Variants in TTLL6 observed in about 807,000 individuals in gnomAD.
The protein encoded by TTLL6 is tubulin polyglutamylase TTLL6.
TTLL6 carries 75 observed loss-of-function variants against 96.4 expected under a neutral mutation model. The ratio of observed to expected loss-of-function variants is 0.78; its 90% confidence interval spans 0.65 to 0.94. The LOEUF (loss-of-function observed/expected upper bound fraction) is 0.94. Among genes scored for constraint, TTLL6 ranks in the 40% least tolerant of loss-of-function variants. The probability of loss-of-function intolerance (pLI) is 0.00; values close to 1 mark genes in which losing one functional copy is unlikely to be tolerated. For missense variants in TTLL6, 1,030 were observed against 1,093.0 expected (o/e 0.94, Z 0.81); for synonymous variants, 411 against 419.4 (o/e 0.98, Z 0.24).
At position 48,774,102 on chromosome 17, in the gene TTLL6, A is replaced by AC. The variant is rs1249929906; in HGVS notation, c.2041-4006_2041-4005insG. Among the ~76,000 whole-genome samples, 526 of 134,830 alleles carry AC rather than the reference A, an allele frequency of 3.9e-3. 23 individuals carry two copies. Among genetic ancestry groups the AC allele is most frequent in the African/African-American group, 0.015 (513 of 35,138 alleles). 88.5% of individuals were successfully genotyped at this position (134,830 alleles called of 152,430 possible). ...CATCTCAAAAAAAACAAAACAAAAAAAAAAAAAAAACAAGAAAAGTAAAAT... is the reference window on the plus strand; with the variant it reads ...CATCTCAAAAAAAACAAAACAAAAAACAAAAAAAAAACAAGAAAAGTAAAAT... On this transcript the variant is annotated intron_variant, in intron 13 of 15. Coordinates refer to ENST00000393382, the MANE Select transcript of TTLL6 (RefSeq NM_001130918.3).
rs780086384 is a variant in TTLL6 at position 48,769,090 on chromosome 17, A to G, written c.2575T>C (p.Cys859Arg). 3 of 1,614,146 alleles carry G rather than the reference A, an allele frequency of 1.9e-6. No homozygotes were observed. ...CTCATAGCACTTGCGTGGCTTCTAC[A>G]AGGCCTTGGATCCAGTTGGGCTGGA... ...ATPAQLDPRP[C>R]RSHASAMRDP... is the part of the protein sequence containing the mutation. Residue 859 changes from cysteine to arginine, a missense_variant, in exon 15 of 16, where the codon TGT becomes CGT. Coordinates refer to ENST00000393382, the MANE Select transcript of TTLL6 (RefSeq NM_001130918.3).
intron 15 of TTLL6, among the ~76,000 whole-genome samples, chr17:48,764,556 CTT>C (rs1205741210): frequency 2.0e-5 from 3 of 152,156 alleles, no homozygotes; most frequent in Non-Finnish European, 4.4e-5. Context: ...TGTTATTACT[CTT>C]ACGCTTTCCA....
chr17:48,810,825 G>GTGTATATA lies in TTLL6; in HGVS notation c.104-5835_104-5834insTATATACA, dbSNP rs368085735. 4.6e-3 allele frequency among the ~76,000 whole-genome samples: 387 copies of GTGTATATA among 84,334 alleles called. 18 individuals carry two copies. The highest frequency in any genetic ancestry group is 6.3e-3 in the Middle Eastern group (1 of 160). The allele number at this position is 84,334 out of a possible 152,430, so 55.3% of individuals were successfully genotyped here. A position where few individuals can be genotyped will look rare whatever the true frequency, so the allele number is the denominator to read the frequency against. On this transcript the variant is annotated intron_variant, in intron 1 of 15. Transcript: ENST00000393382. ...ATATACACATATATAGTATGTGTGT[G>GTGTATATA]TATATATATATATATATATATATAT...
At position 48,803,933 on chromosome 17, in the gene TTLL6, T is replaced by C. The variant is rs2039466275; in HGVS notation, c.324-5A>G. The stretch of plus-strand genomic sequence containing the variant: ...CTGGATAGATTGATCACCAATCATC[T>C]GGAAAAGAGAAAAAGGAAAGCAGCA... On this transcript the variant is annotated splice_polypyrimidine_tract_variant and splice_region_variant and intron_variant, in intron 2 of 15. Transcript: ENST00000393382. 6.4e-7 allele frequency: 1 copy of C among 1,551,856 alleles called. No homozygotes were observed. Among genetic ancestry groups the C allele is most frequent in the Non-Finnish European group, 8.7e-7 (1 of 1,147,042 alleles).
chr17:48,784,947 T>C lies in TTLL6; in HGVS notation c.2016A>G (p.Ala672=). ...FSIKEAKSAS[A]VNVFTGTVHL... Reference sequence around the variant, plus strand: ...CCACAGTGCCAGTGAATACGTTCACTGCAGAGGCAGACTTGGCCTCCTTGA... The same window carrying C: ...CCACAGTGCCAGTGAATACGTTCACCGCAGAGGCAGACTTGGCCTCCTTGA... Residue 672 remains alanine, a synonymous_variant, in exon 13 of 16, where the codon GCA becomes GCG. Transcript: ENST00000393382. 1 of 1,614,124 alleles carries C rather than the reference T, an allele frequency of 6.2e-7. No homozygotes were observed. The highest frequency in any genetic ancestry group is 8.5e-7 in the Non-Finnish European group (1 of 1,180,022).
At position 48,789,966 on chromosome 17, in the gene TTLL6, C is replaced by T. The variant is rs1172061205; in HGVS notation, c.1365G>A (p.Gly455=). Residue 455 remains glycine, a synonymous_variant, in exon 10 of 16, where the codon GGG becomes GGA. Coordinates refer to ENST00000393382, the MANE Select transcript of TTLL6 (RefSeq NM_001130918.3). ...GAGAACAACACTGCTGCAGGAACTG[C>T]CCCCGTTGTCTCTCCTCCTCCAAGA... The part of the protein sequence containing the change: ...KKVLEEERQR[G]QFLQQCCSRE... 1.2e-6 allele frequency: 2 copies of T among 1,614,174 alleles called. No individual in the cohort carries two copies. The highest frequency in any genetic ancestry group is 1.7e-6 in the Non-Finnish European group (2 of 1,180,016).
Position 48,776,638 on chromosome 17 carries a change from A to T in TTLL6, c.2041-6541T>A, listed in dbSNP as rs76158435. Among the ~76,000 whole-genome samples, 425 of 152,370 alleles carry T rather than the reference A, an allele frequency of 2.8e-3. 7 individuals are homozygous for T. Among genetic ancestry groups the T allele is most frequent in the Admixed American group, 0.021 (321 of 15,302 alleles). On this transcript the variant is annotated intron_variant, in intron 13 of 15. Transcript: ENST00000393382. ...GCAAAATGTCTACATTGAAAACTATAAAACTTTGTTGAGGAAATTAGAGAA... is the reference window on the plus strand; with the variant it reads ...GCAAAATGTCTACATTGAAAACTATTAAACTTTGTTGAGGAAATTAGAGAA...
At chr17:48,807,819 G>GT (rs1425020186) in intron 1 of TTLL6, among the ~76,000 whole-genome samples, 4 of 151,910 alleles carry the variant, frequency 2.6e-5, no homozygotes, top group African/African-American at 4.8e-5. Flanking sequence ...GCCATTTCTA[G>GT]TTTTTTTGTT....
chr17:48,793,653 A>G (rs2039267392), intron 8 of TTLL6, among the ~76,000 whole-genome samples: 1 of 151,612 alleles, frequency 6.6e-6, no homozygotes, highest in Admixed American at 6.6e-5. Context: ...CACGGGCAGC[A>G]TGGCTTAGTG....
intron 15 of TTLL6, among the ~76,000 whole-genome samples, chr17:48,764,854 C>T (rs747086531): frequency 7.2e-5 from 11 of 152,256 alleles, no homozygotes; most frequent in Middle Eastern, 3.4e-3. Flanking sequence ...TGACCCCATA[C>T]GGTATTCTAG....
intron 10 of TTLL6, among the ~76,000 whole-genome samples, chr17:48,789,513 T>C (rs1026330540): frequency 6.6e-6 from 1 of 152,162 alleles, no homozygotes; most frequent in African/African-American, 2.4e-5. Context: ...GCCACATAAC[T>C]AGTAGGCTGT....
At chr17:48,782,954 C>T (rs948951598) in intron 13 of TTLL6, among the ~76,000 whole-genome samples, 1 of 152,108 alleles carries the variant, frequency 6.6e-6, no homozygotes, top group African/African-American at 2.4e-5. Context: ...CTCAGGTGAT[C>T]CACCCACCTC....
At chr17:48,781,273 C>T (rs1177651828) in intron 13 of TTLL6, among the ~76,000 whole-genome samples, 1 of 152,068 alleles carries the variant, frequency 6.6e-6, no homozygotes, top group Admixed American at 6.6e-5. Flanking sequence ...TCTTGAACTC[C>T]TGGCCTTAAG....
At chr17:48,816,118 T>C (rs2039664054) in intron 1 of TTLL6, among the ~76,000 whole-genome samples, 1 of 152,094 alleles carries the variant, frequency 6.6e-6, no homozygotes, top group Non-Finnish European at 1.5e-5. Context: ...CTTAAAGCAG[T>C]GCTTGGTTCA....
In TTLL6 at chr17:48,787,833, T is replaced by C. The variant is rs759897970; in HGVS notation, c.1567A>G (p.Arg523Gly). The change falls in exon 11 of 16, where the codon AGG (arginine) becomes GGG (glycine). Residue 523 changes from arginine (R) to glycine (G), a missense_variant. Transcript: ENST00000393382. ...TACCGGGCATACTCCTCCCGAGCCC[T>C]GGAAGCAACAGTATTCTGGAAGAGG... Reference protein sequence around the residue: ...NSLFQNTVASRAREEYARQLI... With the variant: ...NSLFQNTVASGAREEYARQLI... 4 of 1,614,142 alleles carry C rather than the reference T, an allele frequency of 2.5e-6. No homozygotes were observed. In the South Asian group the frequency reaches 4.4e-5, roughly 18 times the overall value.
At chr17:48,804,610 GA>G (rs34841989) in intron 2 of TTLL6, 161 bp downstream of exon 2, 224,415 of 675,906 alleles carry the variant, frequency 0.33, 41,266 homozygotes, top group East Asian at 0.76. Context: ...ACAGATCATC[GA>G]AAGTAGATTC....
At chr17:48,774,092 A>AAAAC (rs2038812007) in intron 13 of TTLL6, among the ~76,000 whole-genome samples, 1 of 79,658 alleles carries the variant, frequency 1.3e-5, no homozygotes, top group African/African-American at 4.7e-5. Context: ...CAAAAAAAAC[A>AAAAC]AAACAAAAAA....
chr17:48,785,153 T>A lies in TTLL6; in HGVS notation c.1810A>T (p.Ser604Cys). Residue 604 changes from serine to cysteine, a missense_variant, in exon 13 of 16, where the codon AGT becomes TGT. Coordinates refer to ENST00000393382, the MANE Select transcript of TTLL6 (RefSeq NM_001130918.3). ...LVSYTPDLLL[S>C]VRGERKNETD... ...TCATTTTTCCTTTCACCTCTGACAC[T>A]CAAGAGCAAGTCAGGTGTGTAGGAT... is the stretch of plus-strand genomic sequence containing the variant. The A allele has an allele frequency of 1.2e-6, 2 of 1,614,092 alleles. No homozygotes were observed. The highest frequency in any genetic ancestry group is 1.7e-6 in the Non-Finnish European group (2 of 1,180,020).
intron 3 of TTLL6, among the ~76,000 whole-genome samples, chr17:48,802,364 T>A (rs1459268616): frequency 1.3e-5 from 2 of 152,214 alleles, no homozygotes; most frequent in African/African-American, 4.8e-5. Context: ...TTAATTAGTA[T>A]ATGGTATATT....
Sources: allele counts gnomAD v4.1 joint callset (sites outside exome capture counted in the v4.1 genomes callset), GRCh38; gene constraint gnomAD v4.1.1; transcripts MANE v1.5; gene names NCBI Gene and HGNC (gene_info 2026-07-23, HGNC 2026-07-21).